The following CWC27 variants were observed in gnomAD, a reference collection of about 807,000 sequenced individuals.
CWC27 encodes CWC27 spliceosome associated cyclophilin.
Under a neutral mutation model 63.6 loss-of-function variants are expected in CWC27, and 47 were observed. The ratio of observed to expected loss-of-function variants is 0.74; its 90% CI spans 0.58 to 0.94. The LOEUF (loss-of-function observed/expected upper bound fraction) is 0.94, where lower values mean the gene tolerates loss of function less well. CWC27 is among the 40% of genes least tolerant of loss of function. The probability of loss-of-function intolerance (pLI) is 0.00; values close to 1 mark genes in which losing one functional copy is unlikely to be tolerated. For missense variants in CWC27, 495 were observed against 554.3 expected (o/e 0.89, Z 1.07); for synonymous variants, 175 against 179.8 (o/e 0.97, Z 0.22).
intron 13 of CWC27, among the ~76,000 whole-genome samples, chr5:65,004,408 G>A (rs1267237657): frequency 6.9e-6 from 1 of 144,840 alleles, no homozygotes; most frequent in Admixed American, 6.8e-5. Flanking sequence ...TGGTGGGGGG[G>A]TGGTCTGATT....
In CWC27 at chr5:64,885,698, GGT is replaced by G. The variant is rs143055779; in HGVS notation, c.1042+191_1042+192del. 5.1e-3 allele frequency: 1,333 copies of G among 261,356 alleles called. 3 individuals are homozygous for G. The highest frequency in any genetic ancestry group is 7.1e-3 in the Middle Eastern group (8 of 1,134). 16.2% of individuals were successfully genotyped at this position (261,356 alleles called of 1,614,324 possible). ...TTTCTTTCCCTCCCTCTTGAGTTAG[GGT>G]GTGTGTGTGTGTGTGTGTGTGTGTG... is the stretch of plus-strand genomic sequence containing the variant. On this transcript the variant is annotated intron_variant, in intron 11 of 13. Transcript: ENST00000381070.
chr5:64,777,443 C>T (rs1362126555), intron 2 of CWC27, among the ~76,000 whole-genome samples: 1 of 151,950 alleles, frequency 6.6e-6, no homozygotes, highest in African/African-American at 2.4e-5. Context: ...AAACACAAAA[C>T]AGGATTCTAG....
chr5:64,772,256 A>G (rs981253536), intron 1 of CWC27, among the ~76,000 whole-genome samples: 2 of 152,164 alleles, frequency 1.3e-5, no homozygotes, highest in Non-Finnish European at 2.9e-5. Context: ...GTGCAAAACC[A>G]TCCATGAGCT....
At chr5:64,941,355 G>T (rs75967389) in intron 11 of CWC27, among the ~76,000 whole-genome samples, 1 of 152,180 alleles carries the variant, frequency 6.6e-6, no homozygotes, top group African/African-American at 2.4e-5. Flanking sequence ...ATACTGCAGG[G>T]CACATTTTAG....
At chr5:64,801,111 C>T (rs1744470633) in intron 8 of CWC27, among the ~76,000 whole-genome samples, 191 bp from the exon 9 acceptor site, 1 of 152,040 alleles carries the variant, frequency 6.6e-6, no homozygotes, top group African/African-American at 2.4e-5. Flanking sequence ...ATGAATCATA[C>T]TTATTCCACT....
rs1387087827 is a variant in CWC27 at position 64,813,024 on chromosome 5, C to T, written c.938+8638C>T. On this transcript the variant is annotated intron_variant, in intron 10 of 13. Transcript: ENST00000381070. Reference sequence around the variant, plus strand: ...CAATTTCATATGTATGACTCTGATGCTAATAAAATAAGTCATTTTTTGGAG... The same window carrying T: ...CAATTTCATATGTATGACTCTGATGTTAATAAAATAAGTCATTTTTTGGAG... Among the ~76,000 whole-genome samples the T allele has an allele frequency of 3.9e-5, 6 of 152,132 alleles. No homozygotes were observed. In the South Asian group the frequency reaches 1.0e-3, roughly 26 times the overall value.
intron 11 of CWC27, among the ~76,000 whole-genome samples, chr5:64,942,708 T>C (rs1394587139): frequency 2.6e-5 from 4 of 152,162 alleles, no homozygotes; most frequent in Non-Finnish European, 5.9e-5. Context: ...AAACATTGGC[T>C]TTCCACAGTC....
chr5:64,998,473 C>T lies in CWC27; in HGVS notation c.1257-19686C>T, dbSNP rs78100361. ...TAGGCAAGAAAGCTGAGAAACTGTG[C>T]ATTCCCCTGTTGCTAAAGATATTTT... On this transcript the variant is annotated intron_variant, in intron 13 of 13. Transcript: ENST00000381070. Among the ~76,000 whole-genome samples, 254 of 152,258 alleles carry T rather than the reference C, an allele frequency of 1.7e-3. 2 individuals are homozygous for T. In the East Asian group the frequency reaches 0.025, roughly 15 times the overall value.
chr5:64,948,623 C>T (rs1394834985), intron 11 of CWC27, among the ~76,000 whole-genome samples: 1 of 151,970 alleles, frequency 6.6e-6, no homozygotes, highest in Non-Finnish European at 1.5e-5. Context: ...TAGAACAGGA[C>T]TCATTCATGA....
At chr5:64,980,313 G>A (rs1028826629) in intron 13 of CWC27, among the ~76,000 whole-genome samples, 7 of 152,062 alleles carry the variant, frequency 4.6e-5, no homozygotes, top group African/African-American at 7.2e-5. Flanking sequence ...TTATGAAACC[G>A]ATTAGACACA....
chr5:64,990,835 A>G (rs1461887523), intron 13 of CWC27, among the ~76,000 whole-genome samples: 2 of 152,254 alleles, frequency 1.3e-5, no homozygotes, highest in Non-Finnish European at 2.9e-5. Flanking sequence ...ATCTAGTGAT[A>G]TTAAAATCTT....
intron 10 of CWC27, among the ~76,000 whole-genome samples, chr5:64,823,471 G>A (rs1037275257): frequency 1.3e-5 from 2 of 152,178 alleles, no homozygotes; most frequent in South Asian, 2.1e-4. Flanking sequence ...TATAGGGATA[G>A]GGAAACAAGA....
At chr5:64,835,246 C>G (rs1324994541) in intron 10 of CWC27, among the ~76,000 whole-genome samples, 1 of 151,576 alleles carries the variant, frequency 6.6e-6, no homozygotes, top group African/African-American at 2.4e-5. Flanking sequence ...GTTCTAATAT[C>G]AGAATTAGAA....
chr5:64,832,880 T>C (rs752599782), intron 10 of CWC27, among the ~76,000 whole-genome samples: 2 of 151,694 alleles, frequency 1.3e-5, no homozygotes, highest in Admixed American at 6.6e-5. Flanking sequence ...GATTTCAGAG[T>C]TTCCCAGGGT....
At chr5:64,817,173 G>T (rs1366244658) in intron 10 of CWC27, among the ~76,000 whole-genome samples, 1 of 151,982 alleles carries the variant, frequency 6.6e-6, no homozygotes, top group Non-Finnish European at 1.5e-5. Flanking sequence ...CCTCTTTCAG[G>T]CCTCTGCACT....
chr5:64,900,865 C>T (rs1057098815), intron 11 of CWC27, among the ~76,000 whole-genome samples: 1 of 152,196 alleles, frequency 6.6e-6, no homozygotes, highest in African/African-American at 2.4e-5. Context: ...GTTTACTATA[C>T]ACCTAGGCTA....
chr5:64,994,653 G>A (rs1452844958), intron 13 of CWC27, among the ~76,000 whole-genome samples: 1 of 151,588 alleles, frequency 6.6e-6, no homozygotes, highest in African/African-American at 2.4e-5. Context: ...TTTCTAGCTA[G>A]TCCCCTCCCC....
intron 11 of CWC27, among the ~76,000 whole-genome samples, chr5:64,957,290 T>A (rs930899625): frequency 6.6e-6 from 1 of 152,186 alleles, no homozygotes; most frequent in African/African-American, 2.4e-5. Flanking sequence ...GAATTTTTTT[T>A]TTCTTACTGC....
chr5:64,822,019 C>T (rs1483668560), intron 10 of CWC27, among the ~76,000 whole-genome samples: 2 of 152,162 alleles, frequency 1.3e-5, no homozygotes, highest in Non-Finnish European at 2.9e-5. Context: ...GGGGCCAGGT[C>T]ATGACGGGCC....
Sources: gnomAD v4.1 joint callset for allele counts (sites outside exome capture counted in the v4.1 genomes callset) on GRCh38, gnomAD v4.1.1 for gene constraint, MANE v1.5 for transcripts, NCBI Gene and HGNC (gene_info 2026-07-23, HGNC 2026-07-21) for gene names.